The following DGKB variants were observed in gnomAD, a reference collection of about 807,000 sequenced individuals.
DGKB encodes 90 kDa diacylglycerol kinase.
Under a neutral mutation model 114.3 loss-of-function variants are expected in DGKB, and 67 were observed. That is an observed-to-expected ratio of 0.59 (90% CI 0.48 to 0.72). The LOEUF (loss-of-function observed/expected upper bound fraction) is 0.72, where lower values mean the gene tolerates loss of function less well. Ranked by LOEUF, DGKB falls within the 30% of genes least tolerant of loss-of-function variation. The pLI, the probability that DGKB is intolerant of heterozygous loss-of-function variation, is 0.00. For missense variants in DGKB, 907 were observed against 975.2 expected (o/e 0.93, Z 0.93); for synonymous variants, 398 against 323.1 (o/e 1.23, Z -2.49).
intron 20 of DGKB, among the ~76,000 whole-genome samples, chr7:14,501,724 G>A (rs369694160): frequency 6.6e-6 from 1 of 151,900 alleles, no homozygotes; most frequent in Non-Finnish European, 1.5e-5. Context: ...TTTCGAATGG[G>A]AGTGTCTATT....
intron 21 of DGKB, among the ~76,000 whole-genome samples, chr7:14,364,419 A>AAAGG (rs549438126): frequency 2.5e-4 from 38 of 151,692 alleles, no homozygotes; most frequent in East Asian, 1.9e-4. Context: ...AAGAAGGAAG[A>AAAGG]AAGGAAGGAA....
At chr7:14,636,802 C>T (rs528789562) in intron 13 of DGKB, among the ~76,000 whole-genome samples, 1 of 151,960 alleles carries the variant, frequency 6.6e-6, no homozygotes, top group East Asian at 1.9e-4. Context: ...TAGGAGACAA[C>T]AATTCGAAAA....
At chr7:14,198,907 G>GT (rs781590873) in intron 23 of DGKB, among the ~76,000 whole-genome samples, 2 of 152,010 alleles carry the variant, frequency 1.3e-5, no homozygotes, top group Non-Finnish European at 2.9e-5. Context: ...TTAACATTTG[G>GT]TACAGCTATG....
At chr7:14,490,209 C>A (rs925687199) in intron 20 of DGKB, among the ~76,000 whole-genome samples, 3 of 152,020 alleles carry the variant, frequency 2.0e-5, no homozygotes, top group Non-Finnish European at 4.4e-5. Flanking sequence ...AAAACTTAAA[C>A]CAGAATATAT....
chr7:14,267,215 G>A (rs1214201232), intron 23 of DGKB, among the ~76,000 whole-genome samples: 2 of 152,110 alleles, frequency 1.3e-5, no homozygotes, highest in East Asian at 1.9e-4. Flanking sequence ...TTAGGAGAGT[G>A]GCGGCCTCCA....
chr7:14,641,085 G>A (rs995765917), intron 13 of DGKB, among the ~76,000 whole-genome samples: 3 of 152,084 alleles, frequency 2.0e-5, no homozygotes, highest in African/African-American at 7.2e-5. Context: ...ATAGTTTGTG[G>A]CAATTTAGTT....
intron 21 of DGKB, among the ~76,000 whole-genome samples, chr7:14,406,485 C>G (rs1043918704): frequency 6.6e-6 from 1 of 152,016 alleles, no homozygotes; most frequent in Non-Finnish European, 1.5e-5. Flanking sequence ...AGTGTTGGCT[C>G]TACATGTCCA....
At chr7:14,283,705 C>T (rs1254086109) in intron 23 of DGKB, among the ~76,000 whole-genome samples, 12 of 151,966 alleles carry the variant, frequency 7.9e-5, no homozygotes, top group Admixed American at 2.0e-4. Flanking sequence ...TGAGAAATAA[C>T]GCTGCATATC....
chr7:14,716,624 T>C (rs1398278732), intron 6 of DGKB, among the ~76,000 whole-genome samples: 2 of 152,316 alleles, frequency 1.3e-5, no homozygotes, highest in East Asian at 1.9e-4. Context: ...TGTAAAATAA[T>C]ACATGTTAGT....
chr7:14,670,280 A>G (rs1563857217), intron 13 of DGKB, among the ~76,000 whole-genome samples: 1 of 129,206 alleles, frequency 7.7e-6, no homozygotes, highest in Non-Finnish European at 1.6e-5. Context: ...TCAGTATGTT[A>G]TACTATATAT....
intron 2 of DGKB, among the ~76,000 whole-genome samples, chr7:14,817,691 A>C (rs1397990425): frequency 6.6e-6 from 1 of 152,144 alleles, no homozygotes; most frequent in Non-Finnish European, 1.5e-5. Context: ...TTGCCAGGGA[A>C]ATGCATGTTT....
chr7:14,934,443 G>T (rs1785178096), intron 1 of DGKB, among the ~76,000 whole-genome samples: 1 of 152,090 alleles, frequency 6.6e-6, no homozygotes, highest in Admixed American at 6.6e-5. Flanking sequence ...TGGAGTACTT[G>T]ACATACTATA....
At chr7:14,784,431 G>A (rs942597156) in intron 2 of DGKB, among the ~76,000 whole-genome samples, 2 of 146,062 alleles carry the variant, frequency 1.4e-5, no homozygotes, top group Non-Finnish European at 3.0e-5. Flanking sequence ...GCAGTGGTTC[G>A]ATCTTGGCTC....
At chr7:14,631,422 T>G (rs1055538871) in intron 13 of DGKB, among the ~76,000 whole-genome samples, 3 of 151,558 alleles carry the variant, frequency 2.0e-5, no homozygotes, top group African/African-American at 7.3e-5. Context: ...CCACAGAAAA[T>G]TAAGGTGTTC....
At chr7:14,221,376 T>C (rs1789942009) in intron 23 of DGKB, among the ~76,000 whole-genome samples, 1 of 151,362 alleles carries the variant, frequency 6.6e-6, no homozygotes, top group Non-Finnish European at 1.5e-5. Context: ...ATGTTTTTTA[T>C]TATAAAAATT....
intron 23 of DGKB, among the ~76,000 whole-genome samples, chr7:14,265,604 A>G (rs1797393784): frequency 6.6e-6 from 1 of 151,962 alleles, no homozygotes; most frequent in African/African-American, 2.4e-5. Context: ...ATTCCATAGT[A>G]TCTCATCCTT....
intron 17 of DGKB, among the ~76,000 whole-genome samples, chr7:14,601,307 A>AGG (rs1803503271): frequency 6.6e-6 from 1 of 151,946 alleles, no homozygotes; most frequent in East Asian, 1.9e-4. Flanking sequence ...CCCTCTTTGA[A>AGG]GTCTTTCTGT....
chr7:14,312,301 C>T (rs940923352), intron 23 of DGKB, among the ~76,000 whole-genome samples: 4 of 152,082 alleles, frequency 2.6e-5, no homozygotes, highest in Admixed American at 2.0e-4. Context: ...TCTTGAAGGT[C>T]CCTGAAACAC....
At chr7:14,866,143 G>A (rs58413596) in intron 1 of DGKB, among the ~76,000 whole-genome samples, 1 of 152,124 alleles carries the variant, frequency 6.6e-6, no homozygotes, top group Non-Finnish European at 1.5e-5. Flanking sequence ...GCAAAACTAA[G>A]AGGAAGGTAC....
Sources: allele counts gnomAD v4.1 joint callset (sites outside exome capture counted in the v4.1 genomes callset), GRCh38; gene constraint gnomAD v4.1.1; transcripts MANE v1.5; gene names NCBI Gene and HGNC (gene_info 2026-07-23, HGNC 2026-07-21).